VTI1A: variants seen among roughly 807,000 people sequenced by gnomAD.
VTI1A encodes vesicle transport through interaction with t-SNAREs homolog 1A.
In VTI1A, 22 loss-of-function variants were observed where a neutral mutation model predicts 34.9. The observed-to-expected ratio is 0.63, with a 90% CI of 0.45 to 0.90. The LOEUF (loss-of-function observed/expected upper bound fraction) is 0.90, where lower values mean the gene tolerates loss of function less well. Ranked by LOEUF, VTI1A falls within the 40% of genes least tolerant of loss-of-function variation. The pLI is 0.00. For missense variants in VTI1A, 268 were observed against 275.6 expected, an observed-to-expected ratio of 0.97 and a Z score of 0.20; for synonymous variants, 87 against 97.3, an observed-to-expected ratio of 0.89 and a Z score of 0.62.
chr10:112,715,585 TA>T (rs527824037), intron 7 of VTI1A, among the ~76,000 whole-genome samples: 12 of 149,380 alleles, frequency 8.0e-5, no homozygotes, highest in South Asian at 4.3e-4. Flanking sequence ...TTTCATATGT[TA>T]AAAAAAAAAC....
At chr10:112,483,530 A>G (rs1369211902) in intron 3 of VTI1A, among the ~76,000 whole-genome samples, 1 of 152,146 alleles carries the variant, frequency 6.6e-6, no homozygotes, top group Non-Finnish European at 1.5e-5. Flanking sequence ...TTTGGTCTAG[A>G]ACAGGATTCC....
At chr10:112,854,285 C>CT in the VTI1A span, among the ~76,000 whole-genome samples, 1 of 152,334 alleles carries the variant, frequency 6.6e-6, no homozygotes, top group Admixed American at 6.5e-5. Context: ...CAGGTGGGAA[C>CT]TAAGTCCATT....
At chr10:112,629,401 A>T (rs999792975) in intron 5 of VTI1A, among the ~76,000 whole-genome samples, 4 of 152,174 alleles carry the variant, frequency 2.6e-5, no homozygotes, top group African/African-American at 7.2e-5. Flanking sequence ...TCCCTGTTTC[A>T]TCACCGCACA....
At chr10:112,490,574 C>T (rs1416012261) in intron 3 of VTI1A, among the ~76,000 whole-genome samples, 2 of 151,472 alleles carry the variant, frequency 1.3e-5, no homozygotes, top group Admixed American at 6.6e-5. Flanking sequence ...AATGGGGCTG[C>T]AGATTCTTAG....
intron 7 of VTI1A, among the ~76,000 whole-genome samples, chr10:112,811,208 A>T (rs1853278385): frequency 6.6e-6 from 1 of 152,184 alleles, no homozygotes; most frequent in Non-Finnish European, 1.5e-5. Flanking sequence ...ATCCAGGCAG[A>T]AGATGTTACC....
intron 7 of VTI1A, among the ~76,000 whole-genome samples, chr10:112,813,706 T>C (rs1853403288): frequency 6.6e-6 from 1 of 152,222 alleles, no homozygotes; most frequent in Non-Finnish European, 1.5e-5. Flanking sequence ...TCTTCCTGCC[T>C]CTTGAGTAAG....
At chr10:112,852,342 C>T in the VTI1A span, among the ~76,000 whole-genome samples, 4 of 152,202 alleles carry the variant, frequency 2.6e-5, no homozygotes, top group African/African-American at 9.6e-5. Flanking sequence ...CATTTTCCCA[C>T]GTTGAGAAAG....
At chr10:112,690,834 C>A (rs1010054014) in intron 7 of VTI1A, among the ~76,000 whole-genome samples, 1 of 152,162 alleles carries the variant, frequency 6.6e-6, no homozygotes, top group Admixed American at 6.5e-5. Context: ...CCATGATTGT[C>A]TATTATATGT....
chr10:112,760,781 G>A (rs575887676), intron 7 of VTI1A, among the ~76,000 whole-genome samples: 11 of 151,714 alleles, frequency 7.3e-5, no homozygotes, highest in Non-Finnish European at 1.0e-4. Context: ...CCCAGGTACC[G>A]GGGAGGCTGA....
At chr10:112,769,266 T>C (rs7071256) in intron 7 of VTI1A, among the ~76,000 whole-genome samples, 70,663 of 152,016 alleles carry the variant, frequency 0.46, 19,268 homozygotes, top group African/African-American at 0.76. Flanking sequence ...TGATGCAGGG[T>C]GTGGCTGTCT....
intron 7 of VTI1A, among the ~76,000 whole-genome samples, chr10:112,741,309 T>C (rs965523693): frequency 1.3e-5 from 2 of 151,978 alleles, no homozygotes; most frequent in Non-Finnish European, 2.9e-5. Context: ...AGAAAAATTA[T>C]CTGAGCATGG....
intron 7 of VTI1A, among the ~76,000 whole-genome samples, chr10:112,755,138 C>T (rs1202730215): frequency 6.6e-6 from 1 of 152,064 alleles, no homozygotes; most frequent in Non-Finnish European, 1.5e-5. Context: ...GCCTGTAATC[C>T]CAGCTACCTC....
intron 5 of VTI1A, among the ~76,000 whole-genome samples, chr10:112,618,518 T>TAGAGAGAGAGAGAGAGAGAGAGAGAGAG (rs1229141246): frequency 4.2e-5 from 2 of 47,472 alleles, no homozygotes; most frequent in Admixed American, 4.2e-4. Context: ...TATATATATA[T>TAGAGAGAGAGAGAGAGAGAGAGAGAGAG]ATATATAGAG....
chr10:112,699,994 C>T (rs146935756), intron 7 of VTI1A, among the ~76,000 whole-genome samples: 7,905 of 150,878 alleles, frequency 0.052, 419 homozygotes, highest in East Asian at 0.28. Flanking sequence ...TGGCGGGCAC[C>T]TGTAATCCCA....
chr10:112,670,606 G>A (rs1352890428), intron 7 of VTI1A, among the ~76,000 whole-genome samples: 1 of 152,148 alleles, frequency 6.6e-6, no homozygotes, highest in Non-Finnish European at 1.5e-5. Context: ...TATTGTGTTT[G>A]AATAAATTTG....
At chr10:112,501,114 C>A (rs1020092534) in intron 3 of VTI1A, among the ~76,000 whole-genome samples, 1 of 152,184 alleles carries the variant, frequency 6.6e-6, no homozygotes, top group Non-Finnish European at 1.5e-5. Flanking sequence ...AGTTCAGGAA[C>A]CTGTTTCATT....
intron 7 of VTI1A, among the ~76,000 whole-genome samples, chr10:112,711,533 C>T (rs1372068419): frequency 2.0e-5 from 3 of 152,170 alleles, no homozygotes; most frequent in Non-Finnish European, 2.9e-5. Flanking sequence ...GCGCTGTCCC[C>T]GGGCCTGGTG....
In VTI1A at chr10:112,546,005, T is replaced by TATGTGTGTGTATATACGTGTATACGCGC. The variant is rs1491379380; in HGVS notation, c.427+7702_427+7703insCATGTGTGTGTATATACGTGTATACGCG. Among the ~76,000 whole-genome samples the TATGTGTGTGTATATACGTGTATACGCGC allele has an allele frequency of 4.7e-4, 65 of 137,022 alleles. 2 individuals are homozygous for TATGTGTGTGTATATACGTGTATACGCGC. Among genetic ancestry groups the TATGTGTGTGTATATACGTGTATACGCGC allele is most frequent in the African/African-American group, 1.9e-3 (61 of 31,886 alleles). 89.9% of individuals were successfully genotyped at this position (137,022 alleles called of 152,430 possible). ...GTGTGTGTATATACGTGTATACGCG[T>TATGTGTGTGTATATACGTGTATACGCGC]ATGTGTGTGTATATACGTGTATACG... On this transcript the variant is annotated intron_variant, in intron 5 of 7. Transcript: ENST00000393077.
At chr10:112,586,313 A>T (rs1311346772) in intron 5 of VTI1A, among the ~76,000 whole-genome samples, 3 of 152,134 alleles carry the variant, frequency 2.0e-5, no homozygotes, top group Non-Finnish European at 4.4e-5. Flanking sequence ...TTTCATTTTA[A>T]AATAAGAACT....
Sources: allele counts gnomAD v4.1 joint callset (sites outside exome capture counted in the v4.1 genomes callset), GRCh38; gene constraint gnomAD v4.1.1; transcripts MANE v1.5; gene names NCBI Gene and HGNC (gene_info 2026-07-23, HGNC 2026-07-21).